PCF11: variants seen among roughly 807,000 people sequenced by gnomAD.
PCF11 encodes pre-mRNA cleavage complex 2 protein Pcf11.
In PCF11, 19 loss-of-function variants were observed where a neutral mutation model predicts 166.1. That is an observed-to-expected ratio of 0.11 (90% confidence interval 0.08 to 0.17). The LOEUF (loss-of-function observed/expected upper bound fraction) is 0.17. Among genes scored for constraint, PCF11 ranks in the 10% least tolerant of loss-of-function variants. PCF11 has a pLI of 1.00. For synonymous variants in PCF11, 663 were observed against 644.1 expected, an observed-to-expected ratio of 1.03 and a Z score of -0.44; for missense variants, 1,565 against 1,855.5, an observed-to-expected ratio of 0.84 and a Z score of 2.88.
exon 16 of PCF11, chr11:83,186,218 A>G (rs1170162257): frequency 6.6e-6 from 1 of 152,232 alleles, no homozygotes; most frequent in African/African-American, 2.4e-5. Flanking sequence ...GAAGGTGGCT[A>G]AGGAAGATTC....
intron 14 of PCF11, 116 bp from the exon 15 acceptor site, chr11:83,182,922 A>T: frequency 2.8e-6 from 2 of 726,266 alleles, no homozygotes; most frequent in Non-Finnish European, 4.6e-6. Flanking sequence ...TTTGGGACCA[A>T]ATAATTTTTG....
chr11:83,178,812 CAAA>C (rs747677105), intron 11 of PCF11, among the ~76,000 whole-genome samples: 2 of 111,024 alleles, frequency 1.8e-5, no homozygotes, highest in African/African-American at 6.3e-5. Flanking sequence ...GACTGTGTCT[CAAA>C]AAAAAAAAAA....
rs1318155817 is a variant in PCF11 at position 83,167,023 on chromosome 11, A to C, written c.1818-102A>C. Reference sequence around the variant, plus strand: ...ATTTAATTACTTTTTGTGGTTACATATGCCCATTTTAACCATATCCTTTGA... The same window carrying C: ...ATTTAATTACTTTTTGTGGTTACATCTGCCCATTTTAACCATATCCTTTGA... On this transcript the variant is annotated intron_variant, in intron 5 of 15. Transcript: ENST00000298281. The surrounding 1 kb of genome is among the most constrained non-coding windows in gnomAD (Gnocchi z 4.2). 1 of 905,054 alleles carries C rather than the reference A, an allele frequency of 1.1e-6. No homozygotes were observed. Among genetic ancestry groups the C allele is most frequent in the African/African-American group, 1.7e-5 (1 of 60,252 alleles). 56.1% of individuals were successfully genotyped at this position (905,054 alleles called of 1,614,324 possible).
intron 12 of PCF11, 27 bp downstream of exon 12, chr11:83,181,218 A>G (rs749694965): frequency 8.0e-7 from 1 of 1,251,426 alleles, no homozygotes; most frequent in Non-Finnish European, 1.1e-6. Context: ...CCTCCATAGT[A>G]TCTTTTAGGC....
Position 83,183,066 on chromosome 11 carries a change from A to G in PCF11, c.4445A>G (p.Tyr1482Cys), listed in dbSNP as rs371535091. The change falls in exon 15 of 16, where the codon TAT becomes TGT. Residue 1482 changes from tyrosine to cysteine, a missense_variant. This residue lies in a region of PCF11 where 99 missense variants were observed against 89.1 expected (regional missense o/e 1.11). Transcript: ENST00000298281. ...TATCATCCATCATGTTATGAAGATT[A>G]TCAAAATGTAAGTTCTTTTTGGTTA... The G allele has an allele frequency of 2.7e-6, 4 of 1,472,474 alleles. No homozygotes were observed. Among genetic ancestry groups the G allele is most frequent in the Non-Finnish European group, 3.7e-6 (4 of 1,071,262 alleles). The allele number at this position is 1,472,474 out of a possible 1,614,324, so 91.2% of individuals were successfully genotyped here. A position where few individuals can be genotyped will look rare whatever the true frequency, so the allele number is the denominator to read the frequency against.
In PCF11 at chr11:83,158,542, C is replaced by A. The variant is rs758188113; in HGVS notation, c.192+911C>A. On this transcript the variant is annotated intron_variant, in intron 1 of 15. Coordinates refer to ENST00000298281, the Ensembl canonical transcript of PCF11. ...CCTTATATTTCCCTGTAGTCCTCCT[C>A]TTCTGTGGATTCATATGGGAGCGAT... The A allele has an allele frequency of 2.6e-5, 4 of 152,210 alleles. No homozygotes were observed. The South Asian group carries it at 8.3e-4, about 32-fold the overall frequency. 9.4% of individuals were successfully genotyped at this position (152,210 alleles called of 1,614,324 possible).
chr11:83,167,159 C>T lies in PCF11; in HGVS notation c.1852C>T (p.His618Tyr). 1 of 1,613,396 alleles carries T rather than the reference C, an allele frequency of 6.2e-7. No homozygotes were observed. Among genetic ancestry groups the T allele is most frequent in the Non-Finnish European group, 8.5e-7 (1 of 1,179,484 alleles). ...GGTTGATGAACATAGTAAACCTCCT[C>T]ATCTGAGGCATAGGGAGAGCTGGTC... is the stretch of plus-strand genomic sequence containing the variant. Residue 618 changes from histidine to tyrosine, a missense_variant, in exon 6 of 16, where the codon CAT (histidine) becomes TAT (tyrosine). By Grantham distance (83) the His-to-Tyr change is moderately conservative. This residue lies in a region of PCF11 where 468 missense variants were observed against 483.4 expected (regional missense o/e 0.97). Transcript: ENST00000298281. The surrounding 1 kb of genome is among the most constrained non-coding windows in gnomAD (Gnocchi z 4.2).
chr11:83,182,953 T>C, intron 14 of PCF11, 85 bp from the exon 15 acceptor site: 1 of 861,522 alleles, frequency 1.2e-6, no homozygotes, highest in Non-Finnish European at 1.8e-6. Context: ...AAAGACTATC[T>C]TCTGGCTTAA....
intron 1 of PCF11, chr11:83,158,843 GTAT>G (rs1860112510): frequency 6.6e-6 from 1 of 152,178 alleles, no homozygotes; most frequent in African/African-American, 2.4e-5. Flanking sequence ...TGTGTGACTG[GTAT>G]TATAAAATTT....
chr11:83,171,208 A>G (rs1286239227), intron 8 of PCF11: 1 of 411,776 alleles, frequency 2.4e-6, no homozygotes, highest in Non-Finnish European at 4.8e-6. Context: ...TCCCTTTGAC[A>G]TCTTTTACAA....
chr11:83,181,768 T>G, intron 12 of PCF11, 86 bp from the exon 13 acceptor site: 1 of 863,992 alleles, frequency 1.2e-6, no homozygotes, highest in East Asian at 2.9e-5. Flanking sequence ...AGTATACCCC[T>G]ACCTTTAAAT....
chr11:83,179,616 G>A (rs1473539412), intron 11 of PCF11, among the ~76,000 whole-genome samples: 1 of 152,032 alleles, frequency 6.6e-6, no homozygotes, highest in Non-Finnish European at 1.5e-5. Flanking sequence ...TTCTGAAAGT[G>A]ATTTAGGCTG....
chr11:83,172,185 A>T (rs1486745581), intron 9 of PCF11, among the ~76,000 whole-genome samples: 1 of 152,106 alleles, frequency 6.6e-6, no homozygotes, highest in Non-Finnish European at 1.5e-5. Context: ...GGAAACTGGG[A>T]GTGGGAGGGA....
intron 1 of PCF11, 137 bp from the exon 2 acceptor site, chr11:83,161,190 A>G (rs1860239410): frequency 1.6e-6 from 1 of 642,894 alleles, no homozygotes; most frequent in Non-Finnish European, 2.5e-6. Flanking sequence ...TGAACACTTA[A>G]GTTTCATAAA....
chr11:83,160,346 C>CTT (rs373734812), intron 1 of PCF11, among the ~76,000 whole-genome samples: 4 of 78,736 alleles, frequency 5.1e-5, no homozygotes, highest in Admixed American at 1.5e-4. Context: ...TTTTTTTTGT[C>CTT]TTTTTTTTTT....
chr11:83,181,184 G>A (rs781574122), exon 12 of PCF11: 4 of 1,591,604 alleles, frequency 2.5e-6, no homozygotes, highest in South Asian at 1.1e-5. Flanking sequence ...TGGTACTACA[G>A]TTTAACAGTA....
chr11:83,164,864 A>G (rs1860390865), intron 4 of PCF11, among the ~76,000 whole-genome samples: 1 of 152,228 alleles, frequency 6.6e-6, no homozygotes, highest in South Asian at 2.1e-4. Flanking sequence ...CCCTGTCTCA[A>G]GAAAACCCTC....
At chr11:83,184,683 C>G in exon 16 of PCF11, 1 of 1,608,126 alleles carries the variant, frequency 6.2e-7, no homozygotes, top group Non-Finnish European at 8.5e-7. Flanking sequence ...TTGTAGACAT[C>G]TTCATTTGAT....
At chr11:83,157,790 C>CG (rs1467049077) in intron 1 of PCF11, 159 bp downstream of exon 1, 4 of 650,504 alleles carry the variant, frequency 6.1e-6, no homozygotes, top group Non-Finnish European at 1.1e-5. Context: ...GCCCAGGCTT[C>CG]GAGCATGGGC....
Sources: allele counts gnomAD v4.1 joint callset (sites outside exome capture counted in the v4.1 genomes callset), GRCh38; gene constraint gnomAD v4.1.1; regional missense constraint gnomAD v4.1.1; non-coding constraint Gnocchi (gnomAD v3.1); transcripts MANE v1.5; gene names NCBI Gene and HGNC (gene_info 2026-07-23, HGNC 2026-07-21).